ANKRD13C: variants seen among roughly 807,000 people sequenced by gnomAD.
The protein encoded by ANKRD13C is ankyrin repeat domain 13C.
In ANKRD13C, 16 loss-of-function variants were observed where a neutral mutation model predicts 65.5. The ratio of observed to expected loss-of-function variants is 0.24; its 90% CI spans 0.17 to 0.37. The LOEUF (loss-of-function observed/expected upper bound fraction) is 0.37. Among genes scored for constraint, ANKRD13C ranks in the 10% least tolerant of loss-of-function variants. The probability of loss-of-function intolerance (pLI) is 1.00; values close to 1 mark genes in which losing one functional copy is unlikely to be tolerated. For synonymous variants in ANKRD13C, 235 were observed against 238.7 expected, an observed-to-expected ratio of 0.98 and a Z score of 0.14; for missense variants, 503 against 655.9, an observed-to-expected ratio of 0.77 and a Z score of 2.55.
At chr1:70,267,217 G>C (rs74088042) in intron 12 of ANKRD13C, among the ~76,000 whole-genome samples, 1 of 151,876 alleles carries the variant, frequency 6.6e-6, no homozygotes, top group African/African-American at 2.4e-5. Flanking sequence ...TCTGATATCT[G>C]CCTTAATTTT....
chr1:70,354,615 G>A lies in ANKRD13C; in HGVS notation c.-207C>T, dbSNP rs906343779. 11 of 1,256,892 alleles carry A rather than the reference G, an allele frequency of 8.8e-6. No individual in the cohort carries two copies. In the African/African-American group the frequency reaches 1.5e-4, roughly 17 times the overall value. The allele number at this position is 1,256,892 out of a possible 1,614,324, so 77.9% of individuals were successfully genotyped here. ...CACGAAGGGACGCGCGCTCGCTGGG[G>A]GAAGCTAGAACTCAGGTGCCCACGA... is the stretch of plus-strand genomic sequence containing the variant. On this transcript the variant is annotated 5_prime_UTR_variant, in exon 1 of 13. Transcript: ENST00000370944.
intron 1 of ANKRD13C, among the ~76,000 whole-genome samples, chr1:70,351,896 A>G (rs574835651): frequency 3.3e-5 from 5 of 152,326 alleles, no homozygotes; most frequent in African/African-American, 1.2e-4. Flanking sequence ...CACAGTTCCT[A>G]GGACACCTCA....
chr1:70,287,280 T>C (rs764685613), intron 9 of ANKRD13C, among the ~76,000 whole-genome samples: 1 of 152,108 alleles, frequency 6.6e-6, no homozygotes, highest in African/African-American at 2.4e-5. Flanking sequence ...TCTCACCGAA[T>C]TGATCTATAG....
chr1:70,302,438 T>C (rs1045903461), intron 6 of ANKRD13C, among the ~76,000 whole-genome samples: 2 of 150,866 alleles, frequency 1.3e-5, no homozygotes, highest in Admixed American at 1.3e-4. Flanking sequence ...TAAAAGAAAA[T>C]AGTATTGGCC....
chr1:70,326,034 C>T (rs1453578827), intron 2 of ANKRD13C, among the ~76,000 whole-genome samples: 6 of 151,792 alleles, frequency 4.0e-5, no homozygotes, highest in Admixed American at 2.0e-4. Flanking sequence ...GAGTTCCAGA[C>T]CAGCCTAGCC....
At chr1:70,287,300 C>T (rs1432854329) in intron 9 of ANKRD13C, among the ~76,000 whole-genome samples, 4 of 151,706 alleles carry the variant, frequency 2.6e-5, no homozygotes, top group Non-Finnish European at 5.9e-5. Context: ...GATTCAACAC[C>T]ATCCCTATAC....
intron 11 of ANKRD13C, 55 bp from the exon 12 acceptor site, chr1:70,271,011 T>C: frequency 1.7e-6 from 2 of 1,145,880 alleles, no homozygotes; most frequent in Admixed American, 2.0e-5. Context: ...CCTTGTGTCC[T>C]TATGCTTTTC....
At chr1:70,320,216 A>G (rs1681246722) in intron 3 of ANKRD13C, among the ~76,000 whole-genome samples, 2 of 152,250 alleles carry the variant, frequency 1.3e-5, no homozygotes, top group Admixed American at 1.3e-4. Context: ...CCTTATAAAC[A>G]AAGTTAGCAA....
intron 2 of ANKRD13C, among the ~76,000 whole-genome samples, chr1:70,327,007 C>A: frequency 8.6e-6 from 1 of 116,372 alleles, no homozygotes; most frequent in South Asian, 3.3e-4. Flanking sequence ...AACATAATAC[C>A]CCAGTAATAA....
In ANKRD13C at chr1:70,319,007, T is replaced by G. The variant is rs191182905; in HGVS notation, c.578-3441A>C. 3.0e-4 allele frequency among the ~76,000 whole-genome samples: 45 copies of G among 152,242 alleles called. No homozygotes were observed. The East Asian group carries it at 8.5e-3, about 29-fold the overall frequency. On this transcript the variant is annotated intron_variant, in intron 3 of 12. Coordinates refer to ENST00000370944, the MANE Select transcript of ANKRD13C (RefSeq NM_030816.5). ...AACCTTTCTTTTAATTACTTTCTGA[T>G]CTATCCCTTCCTTCTCTAAAAACAC...
rs1427847519 is a variant in ANKRD13C, at chr1:70,262,125, T to C, written c.*592A>G. ...GCAACATATAAATGCAATTGTTTAA[T>C]GGTTACCATTTGGTTCATTCATCTA... On this transcript the variant is annotated 3_prime_UTR_variant, in exon 13 of 13. Transcript: ENST00000370944. 6.6e-6 allele frequency: 1 copy of C among 152,638 alleles called. No individual in the cohort carries two copies. Among genetic ancestry groups the C allele is most frequent in the African/African-American group, 2.4e-5 (1 of 41,470 alleles). 9.5% of individuals were successfully genotyped at this position (152,638 alleles called of 1,614,324 possible).
At chr1:70,265,847 A>AAAAAG (rs1157801280) in intron 12 of ANKRD13C, among the ~76,000 whole-genome samples, 199 of 144,922 alleles carry the variant, frequency 1.4e-3, no homozygotes, top group South Asian at 4.3e-3. Context: ...AAAAAAAAAA[A>AAAAAG]AAAAGAAAAG....
At chr1:70,316,322 G>C (rs1330939698) in intron 3 of ANKRD13C, among the ~76,000 whole-genome samples, 2 of 152,092 alleles carry the variant, frequency 1.3e-5, no homozygotes, top group Non-Finnish European at 2.9e-5. Context: ...TAGTGGTTGT[G>C]GGTAAACTTG....
intron 8 of ANKRD13C, among the ~76,000 whole-genome samples, chr1:70,293,348 CA>C (rs1310777360): frequency 2.6e-5 from 4 of 152,040 alleles, no homozygotes; most frequent in Non-Finnish European, 5.9e-5. Context: ...TATCTGCATG[CA>C]AATCACATGT....
chr1:70,266,512 C>G (rs1193625829), intron 12 of ANKRD13C, among the ~76,000 whole-genome samples: 1 of 152,170 alleles, frequency 6.6e-6, no homozygotes, highest in African/African-American at 2.4e-5. Context: ...TACAGCTATT[C>G]TAGGTTCTTT....
At chr1:70,279,232 A>G (rs1679276679) in intron 9 of ANKRD13C, among the ~76,000 whole-genome samples, 1 of 151,690 alleles carries the variant, frequency 6.6e-6, no homozygotes, top group African/African-American at 2.4e-5. Flanking sequence ...AGAGAGAGAG[A>G]GAGGGAAGCA....
chr1:70,310,810 C>T (rs1183705717), intron 5 of ANKRD13C, among the ~76,000 whole-genome samples: 1 of 152,104 alleles, frequency 6.6e-6, no homozygotes, highest in Non-Finnish European at 1.5e-5. Context: ...GGTCTCCCCA[C>T]ATGGGAAAAA....
Position 70,296,747 on chromosome 1 carries a change from A to G in ANKRD13C, c.922-486T>C, listed in dbSNP as rs1004999254. 7.2e-5 allele frequency among the ~76,000 whole-genome samples: 11 copies of G among 152,182 alleles called. No homozygotes were observed. In the East Asian group the frequency reaches 9.6e-4, roughly 13 times the overall value. The stretch of plus-strand genomic sequence containing the variant: ...TTCTTTCCCAATAAATTGTAAGTGG[A>G]AGAAAGGAAGAACTGAAGGGAGGGA... On this transcript the variant is annotated intron_variant, in intron 7 of 12. Transcript: ENST00000370944.
At position 70,287,742 on chromosome 1, in the gene ANKRD13C, C is replaced by T. The variant is rs113401884; in HGVS notation, c.1215+4646G>A. On this transcript the variant is annotated intron_variant, in intron 9 of 12. Transcript: ENST00000370944. ...GAACTTTGGGCCAGGCATAATGGCT[C>T]ATGCCTATAATCCCAGCACTTTGGG... Among the ~76,000 whole-genome samples the T allele has an allele frequency of 4.3e-3, 650 of 152,200 alleles. 4 individuals are homozygous for T. Among genetic ancestry groups the T allele is most frequent in the African/African-American group, 0.015 (618 of 41,508 alleles).
Sources: gnomAD v4.1 joint callset for allele counts (sites outside exome capture counted in the v4.1 genomes callset) on GRCh38, gnomAD v4.1.1 for gene constraint, MANE v1.5 for transcripts, NCBI Gene and HGNC (gene_info 2026-07-23, HGNC 2026-07-21) for gene names.